The following CHMP3 variants were observed in gnomAD, a reference collection of about 807,000 sequenced individuals.
CHMP3 encodes the protein charged multivesicular body protein 3, also known as 25.1 protein.
A neutral mutation model predicts 27.4 loss-of-function variants in CHMP3; 8 were observed. The observed-to-expected ratio is 0.29, with a 90% confidence interval of 0.17 to 0.53. CHMP3 has a LOEUF of 0.53. Ranked by LOEUF, CHMP3 falls within the 20% of genes least tolerant of loss-of-function variation. CHMP3 has a pLI of 0.96. For synonymous variants in CHMP3, 86 were observed against 85.5 expected (o/e 1.01, Z -0.03); for missense variants, 208 against 271.5 (o/e 0.77, Z 1.64).
At chr2:86,546,787 T>C (rs1412856643) in intron 1 of CHMP3, among the ~76,000 whole-genome samples, 1 of 152,210 alleles carries the variant, frequency 6.6e-6, no homozygotes, top group African/African-American at 2.4e-5. Flanking sequence ...ATATCTCCTC[T>C]GGAGAATTGT....
intron 3 of CHMP3, among the ~76,000 whole-genome samples, chr2:86,525,168 A>G (rs1357672522): frequency 1.3e-5 from 2 of 152,230 alleles, no homozygotes; most frequent in East Asian, 3.8e-4. Context: ...CCCTGTTACC[A>G]ATAACTTTCT....
chr2:86,556,920 C>T (rs1047767787), intron 1 of CHMP3, among the ~76,000 whole-genome samples: 3 of 152,172 alleles, frequency 2.0e-5, no homozygotes, highest in African/African-American at 7.2e-5. Flanking sequence ...CTACTCCTGT[C>T]CATGAAACAA....
intron 3 of CHMP3, chr2:86,527,029 G>GT (rs1675740811): frequency 6.6e-6 from 1 of 152,046 alleles, no homozygotes; most frequent in Admixed American, 6.6e-5. Context: ...CTGGGAAGGT[G>GT]TATTAAAGGA....
intron 3 of CHMP3, among the ~76,000 whole-genome samples, chr2:86,525,300 AATTCAC>A (rs1675658210): frequency 1.3e-5 from 2 of 152,204 alleles, no homozygotes; most frequent in African/African-American, 4.8e-5. Flanking sequence ...AAATCAATAA[AATTCAC>A]ATTAACAACG....
chr2:86,551,125 C>T (rs929530274), intron 1 of CHMP3, among the ~76,000 whole-genome samples: 1 of 152,166 alleles, frequency 6.6e-6, no homozygotes, highest in Non-Finnish European at 1.5e-5. Context: ...TGGTTCTTAA[C>T]TAATCTTAAT....
At chr2:86,556,511 CAA>C (rs943807512) in intron 1 of CHMP3, among the ~76,000 whole-genome samples, 2 of 152,094 alleles carry the variant, frequency 1.3e-5, no homozygotes, top group Admixed American at 1.3e-4. Context: ...GAGGTTTTTA[CAA>C]AAGCTTCAGA....
chr2:86,563,316 C>A lies in CHMP3; in HGVS notation c.33G>T (p.Pro11=). The A allele has an allele frequency of 1.2e-6, 2 of 1,614,086 alleles. No homozygotes were observed. The highest frequency in any genetic ancestry group is 1.7e-6 in the Non-Finnish European group (2 of 1,179,952). The change falls in exon 1 of 6, where the codon CCG becomes CCT. Residue 11 remains proline (P), a synonymous_variant. Transcript: ENST00000263856. MGLFGKTQEK[P]PKELVNEWSL... is the part of the protein sequence containing the mutation. ...CCGTAGCCCTTACCAGTTCTTTGGG[C>A]GGCTTCTCCTGGGTCTTTCCAAACA...
intron 1 of CHMP3, among the ~76,000 whole-genome samples, chr2:86,557,479 T>C (rs1030581277): frequency 2.6e-5 from 4 of 152,184 alleles, no homozygotes; most frequent in Non-Finnish European, 4.4e-5. Flanking sequence ...TCCCCATCTT[T>C]AGTAGGCATG....
At chr2:86,546,399 A>C (rs145181630) in intron 1 of CHMP3, among the ~76,000 whole-genome samples, 40 of 146,804 alleles carry the variant, frequency 2.7e-4, no homozygotes, top group African/African-American at 9.8e-4. Context: ...GGAGTAGGAG[A>C]GCTTGATTTA....
chr2:86,555,514 AAT>A lies in CHMP3; in HGVS notation c.45+7788_45+7789del, dbSNP rs1491315020. The stretch of plus-strand genomic sequence containing the variant: ...AGACTCCATCTCAAAAAAAAAAATA[AAT>A]AAATAAATAATAAATGTGCTGTTTC... On this transcript the variant is annotated intron_variant, in intron 1 of 5. Coordinates refer to ENST00000263856, the MANE Select transcript of CHMP3 (RefSeq NM_016079.4). 9.6e-5 allele frequency among the ~76,000 whole-genome samples: 13 copies of A among 134,888 alleles called. 1 individual carries two copies. Among genetic ancestry groups the A allele is most frequent in the South Asian group, 2.6e-4 (1 of 3,920 alleles). 88.5% of individuals were successfully genotyped at this position (134,888 alleles called of 152,430 possible). A position where few individuals can be genotyped will look rare whatever the true frequency, so the allele number is the denominator to read the frequency against.
chr2:86,544,957 GCGGCCGGGCAGAGGCGC>G (rs1676510205), intron 1 of CHMP3, among the ~76,000 whole-genome samples: 1 of 112,530 alleles, frequency 8.9e-6, no homozygotes, highest in Non-Finnish European at 2.1e-5. Flanking sequence ...CCTAGACGGG[GCGGCCGGGCAGAGGCGC>G]TCCTCACCTC....
At chr2:86,510,273 C>T (rs1675048529) in intron 4 of CHMP3, 85 bp downstream of exon 4, 3 of 1,306,660 alleles carry the variant, frequency 2.3e-6, no homozygotes, top group African/African-American at 3.0e-5. Context: ...TGTTCATCCC[C>T]ACCCACCCTC....
In CHMP3 at chr2:86,529,219, G is replaced by A. The variant is rs140980165; in HGVS notation, c.285C>T (p.Leu95=). 19 of 1,604,404 alleles carry A rather than the reference G, an allele frequency of 1.2e-5. No homozygotes were observed. The highest frequency in any genetic ancestry group is 1.7e-4 in the Middle Eastern group (1 of 6,014). ...ACTGTAAGGTAAGTGCAGCCTTACC[G>A]AGCTGGTTCTTCATCCCCATGAGCA... ...NSVLMGMKNQ[L]AVLRVAGSLQ... is the part of the protein sequence containing the mutation. Residue 95 remains leucine (L), a splice_region_variant and synonymous_variant, in exon 3 of 6, where the codon CTC becomes CTT. Transcript: ENST00000263856.
At chr2:86,529,171 A>G (rs1198558849) in intron 3 of CHMP3, 47 bp downstream of exon 3, 2 of 1,487,736 alleles carry the variant, frequency 1.3e-6, no homozygotes, top group African/African-American at 2.9e-5. Context: ...TGATAATAAC[A>G]GCAACCCCGG....
chr2:86,531,655 T>A (rs1207875940), intron 2 of CHMP3, among the ~76,000 whole-genome samples: 1 of 152,236 alleles, frequency 6.6e-6, no homozygotes, highest in Non-Finnish European at 1.5e-5. Context: ...CATTGTTAGG[T>A]AAAGGTCCAA....
chr2:86,563,115 G>T, intron 1 of CHMP3, 189 bp downstream of exon 1: 2 of 605,150 alleles, frequency 3.3e-6, no homozygotes, highest in South Asian at 4.5e-5. Context: ...CATGGCACCA[G>T]GAGCTCTCGC....
At chr2:86,560,921 C>G (rs1677332941) in intron 1 of CHMP3, among the ~76,000 whole-genome samples, 1 of 152,074 alleles carries the variant, frequency 6.6e-6, no homozygotes, top group Non-Finnish European at 1.5e-5. Context: ...CTCACTATCT[C>G]AAGGACAGTA....
intron 3 of CHMP3, among the ~76,000 whole-genome samples, chr2:86,515,511 G>A (rs1004444461): frequency 6.6e-6 from 1 of 151,952 alleles, no homozygotes; most frequent in Non-Finnish European, 1.5e-5. Context: ...AGTAGAAGTG[G>A]GGTTTCACTA....
chr2:86,517,905 C>T (rs1675379967), intron 3 of CHMP3, among the ~76,000 whole-genome samples: 1 of 152,014 alleles, frequency 6.6e-6, no homozygotes, highest in Admixed American at 6.6e-5. Flanking sequence ...CTTGTAGTCC[C>T]AGATACCCAG....
Sources: gnomAD v4.1 joint callset for allele counts (sites outside exome capture counted in the v4.1 genomes callset) on GRCh38, gnomAD v4.1.1 for gene constraint, MANE v1.5 for transcripts, NCBI Gene and HGNC (gene_info 2026-07-23, HGNC 2026-07-21) for gene names.